GRID2IP: variants seen among roughly 807,000 people sequenced by gnomAD.
The protein encoded by GRID2IP is delphilin.
A neutral mutation model predicts 114.3 loss-of-function variants in GRID2IP; 78 were observed. The ratio of observed to expected loss-of-function variants is 0.68; its 90% confidence interval spans 0.57 to 0.82. The LOEUF (loss-of-function observed/expected upper bound fraction) is 0.82, where lower values mean the gene tolerates loss of function less well. Ranked by LOEUF, GRID2IP falls within the 40% of genes least tolerant of loss-of-function variation. The pLI is 0.00. For synonymous variants in GRID2IP, 809 were observed against 724.0 expected (o/e 1.12, Z -1.89); for missense variants, 1,727 against 1,678.5 (o/e 1.03, Z -0.51).
chr7:6,526,459 T>A lies in GRID2IP; in HGVS notation c.833+62A>T. ...CCCGCCCCTACGCCCTCTCCCCGGG[T>A]CTCGGTCCCGAGCCCACCCGCAGGG... On this transcript the variant is annotated intron_variant, in intron 3 of 21. Coordinates refer to ENST00000457091, the MANE Select transcript of GRID2IP (RefSeq NM_001145118.2). The surrounding 1 kb of genome is among the most constrained non-coding windows in gnomAD (Gnocchi z 7.6). 1 of 1,463,000 alleles carries A rather than the reference T, an allele frequency of 6.8e-7. No individual in the cohort carries two copies. The highest frequency in any genetic ancestry group is 9.0e-7 in the Non-Finnish European group (1 of 1,105,858). 90.6% of individuals were successfully genotyped at this position (1,463,000 alleles called of 1,614,324 possible).
Position 6,526,210 on chromosome 7 carries a change from G to A in GRID2IP, c.919+14C>T, listed in dbSNP as rs1251042163. The A allele has an allele frequency of 1.9e-6, 3 of 1,550,214 alleles. No individual in the cohort carries two copies. The highest frequency in any genetic ancestry group is 2.4e-5 in the East Asian group (1 of 40,894). On this transcript the variant is annotated intron_variant, in intron 4 of 21. Transcript: ENST00000457091. This position sits in a 1 kb window ranked among gnomAD's most constrained non-coding sequence, Gnocchi z 7.6. Reference sequence around the variant, plus strand: ...GGCCTTAGGGACTCTTAGGGCAACCGGCCCACCCCTCACCAGGCAGGACAG... The same window carrying A: ...GGCCTTAGGGACTCTTAGGGCAACCAGCCCACCCCTCACCAGGCAGGACAG...
chr7:6,504,955 A>G lies in GRID2IP; in HGVS notation c.2633-85T>C, dbSNP rs1043416927. On this transcript the variant is annotated intron_variant, in intron 14 of 21. Coordinates refer to ENST00000457091, the MANE Select transcript of GRID2IP (RefSeq NM_001145118.2). ...CAGGGGTGGCGTGGTCACAGCCAACAGCCACTATCCCCCTAAGCACGACCT... is the reference window on the plus strand; with the variant it reads ...CAGGGGTGGCGTGGTCACAGCCAACGGCCACTATCCCCCTAAGCACGACCT... 53 of 1,049,036 alleles carry G rather than the reference A, an allele frequency of 5.1e-5. No homozygotes were observed. In the African/African-American group the frequency reaches 7.7e-4, roughly 15 times the overall value. 65.0% of individuals were successfully genotyped at this position (1,049,036 alleles called of 1,614,324 possible).
At position 6,501,943 on chromosome 7, in the gene GRID2IP, C is replaced by T. The variant is rs1035865069; in HGVS notation, c.3281-44G>A. ...GGGCTGCATGGGGCCACTCTCCCAG[C>T]CCAGGACAGCATGCCTCTGCCTCCC... On this transcript the variant is annotated intron_variant, in intron 19 of 21. Transcript: ENST00000457091. 5.2e-6 allele frequency: 8 copies of T among 1,550,708 alleles called. No homozygotes were observed. In the African/African-American group the frequency reaches 9.6e-5, roughly 19 times the overall value.
In GRID2IP at chr7:6,536,684, G is replaced by T; in HGVS notation, c.584+3034C>A. 1.5e-6 allele frequency: 1 copy of T among 650,090 alleles called. No individual in the cohort carries two copies. The highest frequency in any genetic ancestry group is 2.8e-6 in the Non-Finnish European group (1 of 352,158). The allele number at this position is 650,090 out of a possible 1,614,324, so 40.3% of individuals were successfully genotyped here. A position where few individuals can be genotyped will look rare whatever the true frequency, so the allele number is the denominator to read the frequency against. ...TGGCCCATCCCTGGTGGGGAGGGGC[G>T]GGACGGGGGGCTGCCTGTCAATCAG... On this transcript the variant is annotated intron_variant, in intron 2 of 21. Transcript: ENST00000457091. The surrounding 1 kb of genome is among the most constrained non-coding windows in gnomAD (Gnocchi z 5.3).
intron 7 of GRID2IP, among the ~76,000 whole-genome samples, chr7:6,514,844 C>T (rs1311891912): frequency 2.7e-5 from 4 of 150,870 alleles, no homozygotes; most frequent in African/African-American, 4.9e-5. Flanking sequence ...CCCAGCTACT[C>T]GGGAGGCTGA....
At chr7:6,511,410 T>C (rs1011221042) in intron 8 of GRID2IP, among the ~76,000 whole-genome samples, 2 of 152,098 alleles carry the variant, frequency 1.3e-5, no homozygotes, top group Non-Finnish European at 2.9e-5. Flanking sequence ...TTTGCTCTTG[T>C]TGCCCAGGTG....
At chr7:6,529,992 T>A (rs980315696) in intron 2 of GRID2IP, among the ~76,000 whole-genome samples, 2 of 144,944 alleles carry the variant, frequency 1.4e-5, no homozygotes, top group Non-Finnish European at 3.0e-5. Context: ...AAAGTCTCGC[T>A]CTGTCACACA....
intron 8 of GRID2IP, among the ~76,000 whole-genome samples, chr7:6,512,908 T>G (rs1779206721): frequency 6.6e-6 from 1 of 152,218 alleles, no homozygotes; most frequent in Non-Finnish European, 1.5e-5. Flanking sequence ...TCCACCCACC[T>G]CAGCCTACCA....
intron 1 of GRID2IP, among the ~76,000 whole-genome samples, chr7:6,543,122 C>T (rs1779837871): frequency 6.6e-6 from 1 of 152,136 alleles, no homozygotes; most frequent in Admixed American, 6.5e-5. Context: ...CGGCCGGGTG[C>T]GGTGGCTCAC....
At chr7:6,503,279 T>A in intron 16 of GRID2IP, 116 bp from the exon 17 acceptor site, 2 of 1,163,262 alleles carry the variant, frequency 1.7e-6, no homozygotes, top group Non-Finnish European at 2.4e-6. Flanking sequence ...GATATTCCGG[T>A]AGGAAGAATA....
chr7:6,531,748 G>A (rs1048425194), intron 2 of GRID2IP, among the ~76,000 whole-genome samples: 3 of 152,228 alleles, frequency 2.0e-5, no homozygotes, highest in Non-Finnish European at 4.4e-5. Context: ...CTGGGAAGAG[G>A]AAGGAGCCGT....
rs576110208 is a variant in GRID2IP, at chr7:6,516,784, T to C, written c.1269-2255A>G. Among the ~76,000 whole-genome samples, 8 of 152,298 alleles carry C rather than the reference T, an allele frequency of 5.3e-5. No homozygotes were observed. Among genetic ancestry groups the C allele is most frequent in the South Asian group, 4.1e-4 (2 of 4,826 alleles). ...AGTGAAAGTACTAAAGTCTTTAAAA[T>C]GCATAGAAGAAATAATTACGTAAGC... On this transcript the variant is annotated intron_variant, in intron 7 of 21. Coordinates refer to ENST00000457091, the MANE Select transcript of GRID2IP (RefSeq NM_001145118.2). The surrounding 1 kb of genome is among the most constrained non-coding windows in gnomAD (Gnocchi z 4.3).
intron 1 of GRID2IP, among the ~76,000 whole-genome samples, chr7:6,540,883 C>T (rs1045977840): frequency 7.9e-5 from 12 of 151,796 alleles, no homozygotes; most frequent in African/African-American, 2.9e-4. Context: ...GTTGTCTAGG[C>T]TGGAGTGCAG....
At chr7:6,504,615 C>T (rs944144376) in intron 15 of GRID2IP, among the ~76,000 whole-genome samples, 178 bp downstream of exon 15, 2 of 152,116 alleles carry the variant, frequency 1.3e-5, no homozygotes, top group Admixed American at 6.5e-5. Flanking sequence ...GGGCCAGCAC[C>T]CGCGCCCAGA....
In GRID2IP at chr7:6,539,805, G is replaced by A. The variant is rs1294869092; in HGVS notation, c.497C>T (p.Ala166Val). ...CAGATCATCCACCCGCTGCTCAGCT[G>A]CAAACTGCTTCAGTGCAGCGAACAC... is the stretch of plus-strand genomic sequence containing the variant. ...EQVFAALKQF[A>V]AEQRVDDLVW... The change falls in exon 2 of 22, where the codon GCA becomes GTA. Residue 166 changes from alanine to valine, a missense_variant. Physicochemically the swap from Ala to Val is moderately conservative, Grantham distance 64. Transcript: ENST00000457091. 1 of 1,551,012 alleles carries A rather than the reference G, an allele frequency of 6.4e-7. No homozygotes were observed. The highest frequency in any genetic ancestry group is 1.2e-5 in the South Asian group (1 of 84,022).
chr7:6,538,057 T>G (rs979333007), intron 2 of GRID2IP, among the ~76,000 whole-genome samples: 8 of 152,062 alleles, frequency 5.3e-5, no homozygotes, highest in Non-Finnish European at 1.0e-4. Context: ...GCTGAGGTCC[T>G]TGGCACACAT....
intron 1 of GRID2IP, 34 bp downstream of exon 1, chr7:6,550,974 C>CAA: frequency 2.6e-6 from 3 of 1,139,138 alleles, no homozygotes; most frequent in Non-Finnish European, 2.2e-6. Flanking sequence ...GAGCCCCCTC[C>CAA]TTCCCGCCCC....
intron 2 of GRID2IP, among the ~76,000 whole-genome samples, chr7:6,537,923 C>T (rs1285094165): frequency 7.9e-5 from 12 of 152,234 alleles, no homozygotes; most frequent in African/African-American, 2.9e-4. Context: ...CCTGTGACTG[C>T]TACCAATTTG....
rs963229696 is a variant in GRID2IP at position 6,532,592 on chromosome 7, G to A, written c.585-5823C>T. Among the ~76,000 whole-genome samples the A allele has an allele frequency of 6.6e-6, 1 of 152,114 alleles. No individual in the cohort carries two copies. The highest frequency in any genetic ancestry group is 2.1e-4 in the South Asian group (1 of 4,828). ...ACTGGAGCCAGTGCCCACTCATGCC[G>A]TGCCCTCCCCAAGCCCTGTCCTCAG... On this transcript the variant is annotated intron_variant, in intron 2 of 21. Transcript: ENST00000457091. The surrounding 1 kb of genome is among the most constrained non-coding windows in gnomAD (Gnocchi z 4.4).
Sources: allele counts gnomAD v4.1 joint callset (sites outside exome capture counted in the v4.1 genomes callset), GRCh38; gene constraint gnomAD v4.1.1; non-coding constraint Gnocchi (gnomAD v3.1); transcripts MANE v1.5; gene names NCBI Gene and HGNC (gene_info 2026-07-23, HGNC 2026-07-21).